DPP10: variants seen among roughly 807,000 people sequenced by gnomAD.
The protein encoded by DPP10 is inactive dipeptidyl peptidase 10.
In DPP10, 33 loss-of-function variants were observed where a neutral mutation model predicts 120.9. The ratio of observed to expected loss-of-function variants is 0.27; its 90% CI spans 0.21 to 0.37. The LOEUF is 0.37. DPP10 is among the 10% of genes least tolerant of loss of function. DPP10 has a pLI of 1.00. For missense variants in DPP10, 816 were observed against 942.8 expected (o/e 0.87, Z 1.76); for synonymous variants, 337 against 326.1 (o/e 1.03, Z -0.36).
intron 1 of DPP10, among the ~76,000 whole-genome samples, chr2:114,871,418 T>C (rs1690682880): frequency 6.6e-6 from 1 of 152,164 alleles, no homozygotes; most frequent in Non-Finnish European, 1.5e-5. Context: ...ATTGCAGTTT[T>C]TGCCATTAAA....
At chr2:115,125,849 T>C (rs1456484926) in intron 1 of DPP10, among the ~76,000 whole-genome samples, 3 of 152,148 alleles carry the variant, frequency 2.0e-5, no homozygotes, top group Non-Finnish European at 4.4e-5. Flanking sequence ...CCCAAAGTGC[T>C]GGGATTAAAG....
chr2:114,649,285 C>T (rs1696384506), intron 1 of DPP10, among the ~76,000 whole-genome samples: 1 of 152,130 alleles, frequency 6.6e-6, no homozygotes, highest in Non-Finnish European at 1.5e-5. Context: ...CTTAAAATTA[C>T]TGATACTTGG....
intron 3 of DPP10, among the ~76,000 whole-genome samples, chr2:115,349,607 T>C (rs2063895439): frequency 6.6e-6 from 1 of 152,114 alleles, no homozygotes; most frequent in Non-Finnish European, 1.5e-5. Context: ...ATTCTCATAA[T>C]ATATGCAGGA....
At chr2:114,701,811 G>T (rs1264987374) in intron 1 of DPP10, among the ~76,000 whole-genome samples, 1 of 151,942 alleles carries the variant, frequency 6.6e-6, no homozygotes, top group Non-Finnish European at 1.5e-5. Context: ...CTGTCAAGAT[G>T]GTAAAATCTG....
At chr2:114,804,481 A>C (rs1338199825) in intron 1 of DPP10, among the ~76,000 whole-genome samples, 3 of 152,326 alleles carry the variant, frequency 2.0e-5, no homozygotes, top group African/African-American at 7.2e-5. Flanking sequence ...AGCCTGGGAA[A>C]GCAGCCAGGA....
chr2:114,652,705 G>T (rs1696682025), intron 1 of DPP10, among the ~76,000 whole-genome samples: 1 of 152,132 alleles, frequency 6.6e-6, no homozygotes, highest in African/African-American at 2.4e-5. Flanking sequence ...TTTTCCCCAA[G>T]TATGCTCTTT....
At chr2:114,723,046 T>G (rs943239377) in intron 1 of DPP10, among the ~76,000 whole-genome samples, 1 of 152,152 alleles carries the variant, frequency 6.6e-6, no homozygotes, top group African/African-American at 2.4e-5. Flanking sequence ...TCCGTGCACA[T>G]TCATGAGATG....
intron 1 of DPP10, among the ~76,000 whole-genome samples, chr2:114,913,077 T>C (rs1015579027): frequency 2.0e-5 from 3 of 152,200 alleles, no homozygotes; most frequent in East Asian, 1.9e-4. Flanking sequence ...GGTCCCTGGC[T>C]GGGTGTATCT....
intron 2 of DPP10, among the ~76,000 whole-genome samples, chr2:115,327,438 T>A (rs1200610525): frequency 6.6e-6 from 1 of 152,038 alleles, no homozygotes; most frequent in East Asian, 1.9e-4. Context: ...AAACTTAAGA[T>A]GGAGAATATC....
intron 3 of DPP10, among the ~76,000 whole-genome samples, chr2:115,494,018 G>T (rs2076265283): frequency 6.6e-6 from 1 of 151,972 alleles, no homozygotes; most frequent in African/African-American, 2.4e-5. Context: ...GTGCAACATT[G>T]GCTCAATGCA....
At chr2:115,601,971 G>A (rs192923789) in intron 5 of DPP10, among the ~76,000 whole-genome samples, 153 of 152,076 alleles carry the variant, frequency 1.0e-3, no homozygotes, top group African/African-American at 3.4e-3. Context: ...GTGAGCCACC[G>A]CGCCCGGCCA....
At chr2:115,202,396 ATAT>A (rs2055800923) in intron 1 of DPP10, among the ~76,000 whole-genome samples, 1 of 152,202 alleles carries the variant, frequency 6.6e-6, no homozygotes, top group African/African-American at 2.4e-5. Flanking sequence ...GGAATTGAAC[ATAT>A]TTTCAATTTG....
chr2:114,884,343 A>G (rs553643652), intron 1 of DPP10, among the ~76,000 whole-genome samples: 7 of 152,314 alleles, frequency 4.6e-5, no homozygotes, highest in Non-Finnish European at 7.4e-5. Context: ...GAAGTCTAAA[A>G]TAGGTCTCAC....
chr2:114,699,437 C>T (rs750120301), intron 1 of DPP10, among the ~76,000 whole-genome samples: 2 of 152,006 alleles, frequency 1.3e-5, no homozygotes, highest in African/African-American at 2.4e-5. Context: ...CACAGTGAGG[C>T]CTTTGGGGAA....
At chr2:114,761,803 A>G (rs1190035132) in intron 1 of DPP10, among the ~76,000 whole-genome samples, 1 of 152,168 alleles carries the variant, frequency 6.6e-6, no homozygotes, top group Admixed American at 6.5e-5. Context: ...CTGCTTTACC[A>G]TTTGACAATC....
chr2:115,238,066 C>T (rs750711949), intron 1 of DPP10, among the ~76,000 whole-genome samples: 17 of 152,134 alleles, frequency 1.1e-4, no homozygotes, highest in Admixed American at 3.3e-4. Flanking sequence ...AAGAAGATGG[C>T]GTCTAGGAAT....
At chr2:115,075,438 T>C (rs151086126) in intron 1 of DPP10, among the ~76,000 whole-genome samples, 1 of 152,194 alleles carries the variant, frequency 6.6e-6, no homozygotes, top group Non-Finnish European at 1.5e-5. Flanking sequence ...AGATGAAAAA[T>C]GTTGAAGGTT....
chr2:115,018,155 G>A (rs778965889), intron 1 of DPP10, among the ~76,000 whole-genome samples: 11 of 152,124 alleles, frequency 7.2e-5, no homozygotes, highest in Non-Finnish European at 1.3e-4. Flanking sequence ...AAACCACAAT[G>A]AGATACCATC....
intron 7 of DPP10, among the ~76,000 whole-genome samples, chr2:115,727,141 C>A (rs2092785250): frequency 6.6e-6 from 1 of 152,014 alleles, no homozygotes; most frequent in African/African-American, 2.4e-5. Context: ...GTTGTTGGGG[C>A]TATTGTTGAT....
Sources: gnomAD v4.1 joint callset for allele counts (sites outside exome capture counted in the v4.1 genomes callset) on GRCh38, gnomAD v4.1.1 for gene constraint, MANE v1.5 for transcripts, NCBI Gene and HGNC (gene_info 2026-07-23, HGNC 2026-07-21) for gene names.